The following PTPRD variants were observed in gnomAD, a reference collection of about 807,000 sequenced individuals.
The protein encoded by PTPRD is receptor-type tyrosine-protein phosphatase delta.
Under a neutral mutation model 214.5 loss-of-function variants are expected in PTPRD, and 34 were observed. That is an observed-to-expected ratio of 0.16 (90% CI 0.12 to 0.21). The LOEUF is 0.21. PTPRD is among the 10% of genes least tolerant of loss of function. PTPRD has a pLI of 1.00. For missense variants in PTPRD, 2,545 were observed against 2,398.7 expected, an observed-to-expected ratio of 1.06 and a Z score of -1.27; for synonymous variants, 1,128 against 845.7, an observed-to-expected ratio of 1.33 and a Z score of -5.79.
At chr9:9,652,580 G>C (rs559223894) in intron 7 of PTPRD, among the ~76,000 whole-genome samples, 130 of 150,722 alleles carry the variant, frequency 8.6e-4, no homozygotes, top group African/African-American at 3.1e-3. Context: ...TCTTTTACTT[G>C]TCTTTTTATC....
chr9:9,187,023 C>G (rs1157578064), intron 9 of PTPRD, among the ~76,000 whole-genome samples: 4 of 150,172 alleles, frequency 2.7e-5, no homozygotes, highest in Non-Finnish European at 4.4e-5. Flanking sequence ...ACATTTCACA[C>G]CTGAAAAAGG....
chr9:9,120,842 A>G (rs1454764113), intron 10 of PTPRD, among the ~76,000 whole-genome samples: 1 of 152,208 alleles, frequency 6.6e-6, no homozygotes, highest in Admixed American at 6.5e-5. Context: ...CTAAGTCTAA[A>G]CGTTTCCAAG....
At chr9:10,459,650 C>T (rs1004307766) in intron 2 of PTPRD, among the ~76,000 whole-genome samples, 3 of 151,776 alleles carry the variant, frequency 2.0e-5, no homozygotes, top group African/African-American at 4.8e-5. Context: ...TCTAACGACC[C>T]GTGATGAAGA....
At chr9:9,914,466 C>G (rs960612706) in intron 5 of PTPRD, among the ~76,000 whole-genome samples, 12 of 152,182 alleles carry the variant, frequency 7.9e-5, no homozygotes, top group African/African-American at 2.9e-4. Context: ...TAACCCTGTG[C>G]CTGCACTTAG....
At chr9:8,745,745 C>T (rs1048595566) in intron 11 of PTPRD, among the ~76,000 whole-genome samples, 3 of 151,912 alleles carry the variant, frequency 2.0e-5, no homozygotes, top group Admixed American at 6.6e-5. Flanking sequence ...TAAGGTATAC[C>T]TATTTTGCAT....
intron 11 of PTPRD, among the ~76,000 whole-genome samples, chr9:8,918,432 G>T (rs987251128): frequency 1.3e-5 from 2 of 152,038 alleles, no homozygotes; most frequent in African/African-American, 4.8e-5. Context: ...GGATTTGAGG[G>T]ATTTTTAGCA....
chr9:8,507,288 A>T lies in PTPRD; in HGVS notation c.1677+13T>A. 1.2e-6 allele frequency: 2 copies of T among 1,612,704 alleles called. No homozygotes were observed. The highest frequency in any genetic ancestry group is 1.7e-6 in the Non-Finnish European group (2 of 1,179,364). ...ATGAATAATTCCCAAGGTGAGAAGC[A>T]CTATAGTCTTACCTCCTCTCCATGC... On this transcript the variant is annotated intron_variant, in intron 22 of 45. Transcript: ENST00000381196.
chr9:9,860,973 T>C (rs1383318600), intron 5 of PTPRD, among the ~76,000 whole-genome samples: 2 of 152,332 alleles, frequency 1.3e-5, no homozygotes, highest in East Asian at 3.9e-4. Flanking sequence ...ATTGGATTAT[T>C]AAAAAATAAC....
At chr9:10,488,970 C>T (rs2099150783) in intron 2 of PTPRD, among the ~76,000 whole-genome samples, 1 of 152,108 alleles carries the variant, frequency 6.6e-6, no homozygotes, top group Admixed American at 6.5e-5. Flanking sequence ...TAGCTGGTAC[C>T]TAATGTGCAA....
intron 7 of PTPRD, among the ~76,000 whole-genome samples, chr9:9,710,567 T>C (rs183315239): frequency 2.4e-3 from 363 of 152,236 alleles, no homozygotes; most frequent in African/African-American, 8.4e-3. Context: ...ATTCAGGTCA[T>C]TCTGACTCCA....
intron 3 of PTPRD, among the ~76,000 whole-genome samples, chr9:10,340,518 T>G (rs2096919332): frequency 6.6e-6 from 1 of 151,894 alleles, no homozygotes; most frequent in Non-Finnish European, 1.5e-5. Flanking sequence ...GGTGAACATC[T>G]TCAAAGTCAG....
At chr9:8,950,183 T>C (rs2099093878) in intron 11 of PTPRD, among the ~76,000 whole-genome samples, 1 of 152,136 alleles carries the variant, frequency 6.6e-6, no homozygotes, top group South Asian at 2.1e-4. Context: ...CTGCCACTCC[T>C]CTCACTAGAT....
At chr9:9,393,204 T>TAGAC (rs58051371) in intron 9 of PTPRD, among the ~76,000 whole-genome samples, 40,094 of 152,002 alleles carry the variant, frequency 0.26, 5,419 homozygotes, top group Middle Eastern at 0.3. Flanking sequence ...ACATCTGGTG[T>TAGAC]GATAGACTGA....
chr9:8,374,136 G>C (rs940842535), intron 39 of PTPRD, among the ~76,000 whole-genome samples: 1 of 151,314 alleles, frequency 6.6e-6, no homozygotes, highest in African/African-American at 2.4e-5. Context: ...GTGTGTGTGT[G>C]TGTGTGTGTG....
At chr9:8,592,369 G>C (rs1244401256) in intron 14 of PTPRD, among the ~76,000 whole-genome samples, 1 of 152,184 alleles carries the variant, frequency 6.6e-6, no homozygotes, top group South Asian at 2.1e-4. Flanking sequence ...TGGTGTGTCA[G>C]TGATAATGAA....
intron 3 of PTPRD, among the ~76,000 whole-genome samples, chr9:10,210,110 T>A (rs191451483): frequency 1.3e-5 from 2 of 152,258 alleles, no homozygotes; most frequent in East Asian, 3.9e-4. Flanking sequence ...TTCTACAAAT[T>A]AAAAAAATTT....
chr9:10,108,518 T>C (rs895539776), intron 3 of PTPRD, among the ~76,000 whole-genome samples: 1 of 152,164 alleles, frequency 6.6e-6, no homozygotes, highest in East Asian at 1.9e-4. Context: ...ACTCTCTGCT[T>C]CTATAAATTT....
At chr9:9,835,821 C>T (rs1398748141) in intron 5 of PTPRD, among the ~76,000 whole-genome samples, 2 of 152,052 alleles carry the variant, frequency 1.3e-5, no homozygotes, top group Non-Finnish European at 2.9e-5. Flanking sequence ...AATCTTAGTG[C>T]CACCCTCCTG....
At chr9:9,816,894 T>C (rs757781037) in intron 5 of PTPRD, among the ~76,000 whole-genome samples, 76 of 141,938 alleles carry the variant, frequency 5.4e-4, no homozygotes, top group South Asian at 2.0e-3. Context: ...AATCACAAGA[T>C]ACTAATAATA....
Sources: allele counts gnomAD v4.1 joint callset (sites outside exome capture counted in the v4.1 genomes callset), GRCh38; gene constraint gnomAD v4.1.1; transcripts MANE v1.5; gene names NCBI Gene and HGNC (gene_info 2026-07-23, HGNC 2026-07-21).